PBX1: variants seen among roughly 807,000 people sequenced by gnomAD.
PBX1 encodes the protein pre-B-cell leukemia transcription factor 1.
Under a neutral mutation model 53.4 loss-of-function variants are expected in PBX1, and 6 were observed. That is an observed-to-expected ratio of 0.11 (90% CI 0.06 to 0.22). The LOEUF is 0.22. Among genes scored for constraint, PBX1 ranks in the 10% least tolerant of loss-of-function variants. The probability of loss-of-function intolerance (pLI) is 1.00; values close to 1 mark genes in which losing one functional copy is unlikely to be tolerated. For missense variants in PBX1, 251 were observed against 551.4 expected (o/e 0.46, Z 5.46); for synonymous variants, 204 against 212.3 (o/e 0.96, Z 0.34).
intron 2 of PBX1, among the ~76,000 whole-genome samples, chr1:164,745,196 A>G (rs1212518435): frequency 6.6e-6 from 1 of 152,162 alleles, no homozygotes; most frequent in Non-Finnish European, 1.5e-5. Flanking sequence ...TATATAGTGA[A>G]AAATAGATGG....
chr1:164,704,293 A>G (rs768179812), intron 2 of PBX1, among the ~76,000 whole-genome samples: 2 of 152,186 alleles, frequency 1.3e-5, no homozygotes, highest in Non-Finnish European at 2.9e-5. Context: ...TCAAACATAT[A>G]AAACTTTATT....
At chr1:164,631,967 T>C (rs1034664794) in intron 2 of PBX1, among the ~76,000 whole-genome samples, 1 of 152,166 alleles carries the variant, frequency 6.6e-6, no homozygotes, top group African/African-American at 2.4e-5. Flanking sequence ...CCCCTCACCT[T>C]CATAGGCCAT....
At chr1:164,679,529 T>A (rs951605427) in intron 2 of PBX1, among the ~76,000 whole-genome samples, 34 of 152,162 alleles carry the variant, frequency 2.2e-4, no homozygotes, top group African/African-American at 8.2e-4. Context: ...GGCAGACCCC[T>A]TTCGTTTGAC....
intron 2 of PBX1, among the ~76,000 whole-genome samples, chr1:164,607,895 T>C (rs929483593): frequency 6.6e-6 from 1 of 152,248 alleles, no homozygotes; most frequent in African/African-American, 2.4e-5. Context: ...TGGGCTCTTA[T>C]ACTTCTATCT....
At chr1:164,760,298 G>A (rs1666742709) in intron 2 of PBX1, among the ~76,000 whole-genome samples, 2 of 151,966 alleles carry the variant, frequency 1.3e-5, no homozygotes, top group Admixed American at 6.6e-5. Flanking sequence ...CAAAATATGA[G>A]AACAACAGGA....
rs183297725 is a variant in PBX1, at chr1:164,723,342, T to A, written c.266-69152T>A. ...CTCTTTAGAGGCTTATGCTCCACTC[T>A]ACCTGCTAAGCTGTCAGCAGTTGTG... On this transcript the variant is annotated intron_variant, in intron 2 of 8. Transcript: ENST00000420696. Among the ~76,000 whole-genome samples the A allele has an allele frequency of 1.8e-4, 28 of 152,320 alleles. No individual in the cohort carries two copies. The East Asian group carries it at 3.5e-3, about 19-fold the overall frequency.
intron 2 of PBX1, among the ~76,000 whole-genome samples, chr1:164,663,881 G>C (rs1660658835): frequency 6.6e-6 from 1 of 152,224 alleles, no homozygotes; most frequent in African/African-American, 2.4e-5. Flanking sequence ...CAGAAGCCAA[G>C]TATTAAAGAA....
chr1:164,844,187 T>G (rs1671448224), intron 8 of PBX1, among the ~76,000 whole-genome samples: 1 of 151,910 alleles, frequency 6.6e-6, no homozygotes, highest in Non-Finnish European at 1.5e-5. Context: ...AAAAAAAAGT[T>G]TTCTTAAATT....
intron 2 of PBX1, among the ~76,000 whole-genome samples, chr1:164,580,168 C>T (rs988515190): frequency 3.3e-5 from 5 of 152,236 alleles, no homozygotes; most frequent in African/African-American, 1.2e-4. Context: ...TTAATTATCT[C>T]ATGACTGTGG....
intron 2 of PBX1, among the ~76,000 whole-genome samples, chr1:164,581,132 G>A (rs980685552): frequency 1.3e-5 from 2 of 152,068 alleles, no homozygotes; most frequent in African/African-American, 2.4e-5. Flanking sequence ...TACGTGGTGC[G>A]GATGGATGCT....
At chr1:164,669,664 A>G (rs1248955818) in intron 2 of PBX1, among the ~76,000 whole-genome samples, 2 of 152,126 alleles carry the variant, frequency 1.3e-5, no homozygotes, top group Admixed American at 6.6e-5. Context: ...TCCTGGGTTC[A>G]TGCAACAAAT....
At chr1:164,830,908 T>C (rs1341363367) in intron 8 of PBX1, among the ~76,000 whole-genome samples, 2 of 152,214 alleles carry the variant, frequency 1.3e-5, no homozygotes, top group Non-Finnish European at 1.5e-5. Flanking sequence ...CGAGATCCCC[T>C]GGCAATTGTT....
rs531521319 is a variant in PBX1, at chr1:164,593,258, A to G, written c.265+29947A>G. ...CAGGCATGAGCCACCACGCCTGGCC[A>G]ACCCTTAGATTCTTTTTTAACCCAA... On this transcript the variant is annotated intron_variant, in intron 2 of 8. Transcript: ENST00000420696. 9.9e-5 allele frequency among the ~76,000 whole-genome samples: 15 copies of G among 152,266 alleles called. No homozygotes were observed. The South Asian group carries it at 3.1e-3, about 32-fold the overall frequency.
intron 2 of PBX1, among the ~76,000 whole-genome samples, chr1:164,575,760 T>C (rs543147373): frequency 6.6e-6 from 1 of 152,192 alleles, no homozygotes; most frequent in East Asian, 1.9e-4. Flanking sequence ...CCTGCTTACA[T>C]TAATAAATAT....
chr1:164,613,159 C>G (rs957865064), intron 2 of PBX1, among the ~76,000 whole-genome samples: 1 of 152,084 alleles, frequency 6.6e-6, no homozygotes, highest in African/African-American at 2.4e-5. Flanking sequence ...CTGCACCTTG[C>G]TTTTATTTAT....
intron 2 of PBX1, among the ~76,000 whole-genome samples, chr1:164,606,373 C>G (rs1656554854): frequency 6.6e-6 from 1 of 152,098 alleles, no homozygotes; most frequent in African/African-American, 2.4e-5. Flanking sequence ...GCCTGTATTC[C>G]CAGCTCCTCA....
At chr1:164,765,709 G>A (rs1439324795) in intron 2 of PBX1, among the ~76,000 whole-genome samples, 1 of 152,182 alleles carries the variant, frequency 6.6e-6, no homozygotes, top group African/African-American at 2.4e-5. Context: ...GACTCTCCCA[G>A]AGTCAGACAG....
At chr1:164,573,618 A>G (rs1654025908) in intron 2 of PBX1, among the ~76,000 whole-genome samples, 1 of 151,460 alleles carries the variant, frequency 6.6e-6, no homozygotes, top group African/African-American at 2.4e-5. Flanking sequence ...CAGCCTCCCA[A>G]GTAGCTGGGA....
At chr1:164,587,506 C>T (rs909103891) in intron 2 of PBX1, among the ~76,000 whole-genome samples, 7 of 152,016 alleles carry the variant, frequency 4.6e-5, no homozygotes, top group African/African-American at 1.4e-4. Context: ...ACTTTATCTG[C>T]CTCTTTGTTG....
Sources: gnomAD v4.1 joint callset for allele counts (sites outside exome capture counted in the v4.1 genomes callset) on GRCh38, gnomAD v4.1.1 for gene constraint, MANE v1.5 for transcripts, NCBI Gene and HGNC (gene_info 2026-07-23, HGNC 2026-07-21) for gene names.